The following HECW2 variants were observed in gnomAD, a reference collection of about 807,000 sequenced individuals.
The protein encoded by HECW2 is E3 ubiquitin-protein ligase HECW2.
A neutral mutation model predicts 175.2 loss-of-function variants in HECW2; 61 were observed. The ratio of observed to expected loss-of-function variants is 0.35; its 90% confidence interval spans 0.28 to 0.43. The LOEUF (loss-of-function observed/expected upper bound fraction) is 0.43, where lower values mean the gene tolerates loss of function less well. Among genes scored for constraint, HECW2 ranks in the 20% least tolerant of loss-of-function variants. The probability of loss-of-function intolerance (pLI) is 1.00; values close to 1 mark genes in which losing one functional copy is unlikely to be tolerated. For missense variants in HECW2, 1,524 were observed against 2,000.5 expected (o/e 0.76, Z 4.54); for synonymous variants, 671 against 731.0 (o/e 0.92, Z 1.32).
chr2:196,581,520 T>G (rs186466385), intron 1 of HECW2, among the ~76,000 whole-genome samples: 56 of 152,186 alleles, frequency 3.7e-4, no homozygotes, highest in Non-Finnish European at 7.1e-4. Context: ...GACGATACAG[T>G]GAGACTCTAT....
intron 1 of HECW2, among the ~76,000 whole-genome samples, chr2:196,440,142 A>C (rs1314063112): frequency 2.0e-5 from 3 of 152,316 alleles, no homozygotes; most frequent in African/African-American, 7.2e-5. Context: ...GGGTGGGTCC[A>C]AATTGTCGGT....
intron 1 of HECW2, among the ~76,000 whole-genome samples, chr2:196,543,301 T>G (rs1689290984): frequency 6.6e-6 from 1 of 150,814 alleles, no homozygotes; most frequent in Admixed American, 6.6e-5. Context: ...TATATATAAA[T>G]TTGTTGTTTT....
chr2:196,577,944 G>A (rs1009412890), intron 1 of HECW2, among the ~76,000 whole-genome samples: 46 of 152,248 alleles, frequency 3.0e-4, no homozygotes, highest in African/African-American at 1.0e-3. Context: ...TACTTGAAAT[G>A]TCCACTTTTC....
chr2:196,315,440 C>T (rs1284987210), intron 10 of HECW2, among the ~76,000 whole-genome samples: 1 of 152,050 alleles, frequency 6.6e-6, no homozygotes, highest in Non-Finnish European at 1.5e-5. Flanking sequence ...ACCCTTCAAC[C>T]ACTGTTATAC....
At chr2:196,222,030 C>G (rs750413862) in intron 24 of HECW2, among the ~76,000 whole-genome samples, 181 bp downstream of exon 24, 3 of 152,204 alleles carry the variant, frequency 2.0e-5, no homozygotes, top group Non-Finnish European at 4.4e-5. Context: ...TCTTAATCTG[C>G]AGCTGACATT....
intron 1 of HECW2, among the ~76,000 whole-genome samples, chr2:196,451,364 C>T (rs1183721524): frequency 6.9e-6 from 1 of 144,680 alleles, no homozygotes; most frequent in Non-Finnish European, 1.5e-5. Context: ...AACTGGGAAG[C>T]GGAGGTTGCA....
intron 2 of HECW2, among the ~76,000 whole-genome samples, chr2:196,373,166 A>T (rs1043935454): frequency 1.3e-5 from 2 of 152,228 alleles, no homozygotes; most frequent in Non-Finnish European, 2.9e-5. Flanking sequence ...CAAAATAGAT[A>T]AAGGATAGTC....
chr2:196,391,334 A>G (rs1694503695), intron 2 of HECW2, among the ~76,000 whole-genome samples: 1 of 152,014 alleles, frequency 6.6e-6, no homozygotes, highest in South Asian at 2.1e-4. Context: ...TGATCTCTCT[A>G]TGCTTTTATA....
chr2:196,432,255 G>A (rs188598558), intron 2 of HECW2, among the ~76,000 whole-genome samples: 98 of 152,084 alleles, frequency 6.4e-4, no homozygotes, highest in African/African-American at 2.2e-3. Flanking sequence ...AAAGGGCGGC[G>A]GGGTGATGGG....
chr2:196,381,638 T>G (rs1265755028), intron 2 of HECW2, among the ~76,000 whole-genome samples: 2 of 152,086 alleles, frequency 1.3e-5, no homozygotes, highest in Non-Finnish European at 2.9e-5. Context: ...GGGCAAGAGT[T>G]TCCCAGAAAT....
intron 13 of HECW2, among the ~76,000 whole-genome samples, chr2:196,295,161 G>C (rs1431500161): frequency 6.6e-6 from 1 of 152,156 alleles, no homozygotes; most frequent in Non-Finnish European, 1.5e-5. Context: ...GAGCAGTTGT[G>C]TGGTTCAGAG....
intron 1 of HECW2, among the ~76,000 whole-genome samples, chr2:196,561,974 T>C (rs1472046037): frequency 6.6e-6 from 1 of 152,240 alleles, no homozygotes; most frequent in Non-Finnish European, 1.5e-5. Flanking sequence ...GAATAAGTTA[T>C]GCCAAACACG....
At chr2:196,278,266 C>T (rs1389169548) in intron 15 of HECW2, among the ~76,000 whole-genome samples, 1 of 147,866 alleles carries the variant, frequency 6.8e-6, no homozygotes. Flanking sequence ...ATTATCAACA[C>T]CCTCTCACCT....
At chr2:196,211,267 C>A (rs758338089) in intron 28 of HECW2, among the ~76,000 whole-genome samples, 37 of 152,190 alleles carry the variant, frequency 2.4e-4, no homozygotes, top group Non-Finnish European at 3.8e-4. Context: ...AGTTTTCAGG[C>A]TGGCATCTTA....
In HECW2 at chr2:196,255,210, C is replaced by T. The variant is rs535777415; in HGVS notation, c.3420-1181G>A. Among the ~76,000 whole-genome samples, 49 of 129,948 alleles carry T rather than the reference C, an allele frequency of 3.8e-4. No individual in the cohort carries two copies. In the South Asian group the frequency reaches 0.012, roughly 31 times the overall value. 85.3% of individuals were successfully genotyped at this position (129,948 alleles called of 152,430 possible). Reference sequence around the variant, plus strand: ...TTCACCATGTTGGCCAGGTTGGTCTCGATCTCCTGACCTCATCATGATCCG... The same window carrying T: ...TTCACCATGTTGGCCAGGTTGGTCTTGATCTCCTGACCTCATCATGATCCG... On this transcript the variant is annotated intron_variant, in intron 18 of 28. Transcript: ENST00000644978.
At chr2:196,248,619 C>CACAA (rs1688740299) in intron 19 of HECW2, among the ~76,000 whole-genome samples, 2 of 143,378 alleles carry the variant, frequency 1.4e-5, no homozygotes, top group Non-Finnish European at 3.0e-5. Context: ...CACACACACA[C>CACAA]ACACACACAC....
chr2:196,273,359 G>T (rs1052241244), intron 16 of HECW2, among the ~76,000 whole-genome samples: 2 of 152,056 alleles, frequency 1.3e-5, no homozygotes, highest in African/African-American at 4.8e-5. Context: ...GAGCCACTGC[G>T]CCCAGCCAAC....
chr2:196,470,855 T>C (rs1264556714), intron 1 of HECW2, among the ~76,000 whole-genome samples: 1 of 151,854 alleles, frequency 6.6e-6, no homozygotes, highest in Admixed American at 6.6e-5. Flanking sequence ...GTTAGTATCC[T>C]GAATATATAT....
intron 1 of HECW2, among the ~76,000 whole-genome samples, chr2:196,495,266 C>T (rs1687349440): frequency 2.0e-5 from 3 of 151,778 alleles, no homozygotes; most frequent in Non-Finnish European, 4.4e-5. Context: ...TGGGGTTTCA[C>T]CATGTTCGCC....
Sources: allele counts gnomAD v4.1 joint callset (sites outside exome capture counted in the v4.1 genomes callset), GRCh38; gene constraint gnomAD v4.1.1; transcripts MANE v1.5; gene names NCBI Gene and HGNC (gene_info 2026-07-23, HGNC 2026-07-21).